PIP5K1A: variants seen among roughly 807,000 people sequenced by gnomAD.
PIP5K1A encodes phosphatidylinositol-4-phosphate 5-kinase type 1 alpha, also known as phosphatidylinositol 4-phosphate 5-kinase type-1 alpha.
Under a neutral mutation model 72.9 loss-of-function variants are expected in PIP5K1A, and 46 were observed. The observed-to-expected ratio is 0.63, with a 90% CI of 0.50 to 0.81. PIP5K1A has a LOEUF of 0.81. Among genes scored for constraint, PIP5K1A ranks in the 30% least tolerant of loss-of-function variants. The pLI, the probability that PIP5K1A is intolerant of heterozygous loss-of-function variation, is 0.00. For synonymous variants in PIP5K1A, 228 were observed against 255.1 expected, an observed-to-expected ratio of 0.89 and a Z score of 1.01; for missense variants, 458 against 706.1, an observed-to-expected ratio of 0.65 and a Z score of 3.98.
At chr1:151,214,364 T>G (rs766627461) in intron 1 of PIP5K1A, among the ~76,000 whole-genome samples, 6 of 151,938 alleles carry the variant, frequency 3.9e-5, no homozygotes, top group Admixed American at 1.3e-4. Context: ...TTTTTTCTGT[T>G]TTTTTGTTTT....
chr1:151,214,364 T>TTTTTTG (rs587671699), intron 1 of PIP5K1A, among the ~76,000 whole-genome samples: 108 of 152,054 alleles, frequency 7.1e-4, no homozygotes, highest in African/African-American at 1.1e-3. Context: ...TTTTTTCTGT[T>TTTTTTG]TTTTTGTTTT....
chr1:151,227,167 TATATTTGCA>T, intron 3 of PIP5K1A, 144 bp from the exon 4 acceptor site: 1 of 539,648 alleles, frequency 1.9e-6, no homozygotes, highest in Non-Finnish European at 3.3e-6. Flanking sequence ...ATTATAGCTG[TATATTTGCA>T]TGGGATAGAT....
chr1:151,243,612 T>TCTA (rs1448981449), intron 14 of PIP5K1A, among the ~76,000 whole-genome samples: 1 of 152,238 alleles, frequency 6.6e-6, no homozygotes, highest in East Asian at 1.9e-4. Flanking sequence ...GGCTCTACCC[T>TCTA]CTAGACTCTT....
intron 1 of PIP5K1A, among the ~76,000 whole-genome samples, chr1:151,212,881 CTTTTTTTTTT>C (rs59115186): frequency 8.8e-6 from 1 of 112,998 alleles, no homozygotes; most frequent in African/African-American, 3.4e-5. Context: ...CTGACTTTGC[CTTTTTTTTTT>C]TTTTTTTTCT....
upstream of PIP5K1A, among the ~76,000 whole-genome samples, chr1:151,196,194 G>A (rs892133024): frequency 5.3e-5 from 8 of 152,078 alleles, no homozygotes; most frequent in Non-Finnish European, 1.2e-4. Context: ...ACCGCGTCCG[G>A]CTACACTATC....
At chr1:151,238,421 C>T in intron 10 of PIP5K1A, 156 bp downstream of exon 10, 2 of 613,332 alleles carry the variant, frequency 3.3e-6, no homozygotes, top group Non-Finnish European at 5.9e-6. Flanking sequence ...TGGTTTATTT[C>T]CTTGATTTTG....
At chr1:151,245,786 T>C (rs927697478) in intron 14 of PIP5K1A, among the ~76,000 whole-genome samples, 5 of 152,144 alleles carry the variant, frequency 3.3e-5, no homozygotes, top group Admixed American at 1.3e-4. Flanking sequence ...TCTGCCTGCC[T>C]CAGGCTCCCA....
intron 1 of PIP5K1A, among the ~76,000 whole-genome samples, chr1:151,213,252 A>G (rs1389634131): frequency 6.6e-6 from 1 of 152,094 alleles, no homozygotes; most frequent in Non-Finnish European, 1.5e-5. Context: ...GAGCAGGGCT[A>G]CCTTATAGGC....
At chr1:151,217,400 C>G (rs776965075) in intron 1 of PIP5K1A, among the ~76,000 whole-genome samples, 1 of 152,150 alleles carries the variant, frequency 6.6e-6, no homozygotes, top group Non-Finnish European at 1.5e-5. Context: ...TTACTTAAAA[C>G]CGGGTTAAAT....
At chr1:151,221,306 G>A (rs1436709995) in intron 1 of PIP5K1A, among the ~76,000 whole-genome samples, 1 of 152,170 alleles carries the variant, frequency 6.6e-6, no homozygotes, top group African/African-American at 2.4e-5. Context: ...ATGCCTGAGT[G>A]ATGGAGAAAA....
At chr1:151,207,258 C>A (rs192440875) in intron 1 of PIP5K1A, among the ~76,000 whole-genome samples, 2 of 152,272 alleles carry the variant, frequency 1.3e-5, no homozygotes, top group Admixed American at 1.3e-4. Flanking sequence ...TGGCTATCTG[C>A]CAAAAATTTC....
At chr1:151,235,388 A>G (rs1690706224) in intron 8 of PIP5K1A, among the ~76,000 whole-genome samples, 1 of 152,168 alleles carries the variant, frequency 6.6e-6, no homozygotes, top group South Asian at 2.1e-4. Flanking sequence ...CGGCCTAGAT[A>G]TCACTCTTGA....
At position 151,213,484 on chromosome 1, in the gene PIP5K1A, G is replaced by C. The variant is rs147018908; in HGVS notation, c.86-10761G>C. The C allele has an allele frequency of 1.2e-4, 19 of 152,234 alleles. No individual in the cohort carries two copies. In the East Asian group the frequency reaches 3.3e-3, roughly 26 times the overall value. 9.4% of individuals were successfully genotyped at this position (152,234 alleles called of 1,614,324 possible). ...TTGGGTATCCCTGTTTTATAGGAGAGTGTTGATTTCTGAGGGGTATGGTTC... is the reference window on the plus strand; with the variant it reads ...TTGGGTATCCCTGTTTTATAGGAGACTGTTGATTTCTGAGGGGTATGGTTC... On this transcript the variant is annotated intron_variant, in intron 1 of 15. Transcript: ENST00000368888.
intron 1 of PIP5K1A, among the ~76,000 whole-genome samples, chr1:151,213,812 CA>C (rs1348304916): frequency 6.6e-6 from 1 of 151,728 alleles, no homozygotes; most frequent in Non-Finnish European, 1.5e-5. Context: ...GGTTATTAAG[CA>C]AAGAAAATGA....
chr1:151,232,845 A>C, intron 7 of PIP5K1A, 142 bp downstream of exon 7: 2 of 658,682 alleles, frequency 3.0e-6, no homozygotes, highest in East Asian at 2.9e-5. Context: ...TCATGCCTGT[A>C]ATCCCAGGAC....
chr1:151,242,647 C>G, intron 14 of PIP5K1A, 80 bp downstream of exon 14: 2 of 1,201,124 alleles, frequency 1.7e-6, no homozygotes, highest in South Asian at 2.6e-5. Context: ...TTGATTGCAT[C>G]ATAATAAATT....
In PIP5K1A at chr1:151,234,482, C is replaced by T; in HGVS notation, c.925C>T (p.Gln309Ter). ...DMYNALCKTL[Q>*]RDCLVLQSFK... ...GTACAACGCTCTCTGTAAGACCCTG[C>T]AGCGTGACTGTTTGGTGAGTTTGTT... The change falls in exon 8 of 16, where the codon CAG becomes TAG. Residue 309 changes from glutamine (Q) to a stop codon, truncating the protein, a stop_gained. Transcript: ENST00000368888. LOFTEE classifies it high-confidence loss of function. The T allele has an allele frequency of 6.2e-7, 1 of 1,613,754 alleles. No individual in the cohort carries two copies. Among genetic ancestry groups the T allele is most frequent in the Non-Finnish European group, 8.5e-7 (1 of 1,179,654 alleles).
At chr1:151,200,126 A>T (rs1314223495) in intron 1 of PIP5K1A, among the ~76,000 whole-genome samples, 3 of 151,698 alleles carry the variant, frequency 2.0e-5, no homozygotes, top group South Asian at 4.2e-4. Context: ...GGAGTCTTGA[A>T]TTGCAGTAGA....
Position 151,242,517 on chromosome 1 carries a change from C to G in PIP5K1A, c.1590C>G (p.Asp530Glu). The G allele has an allele frequency of 6.2e-7, 1 of 1,613,552 alleles. No individual in the cohort carries two copies. The highest frequency in any genetic ancestry group is 8.5e-7 in the Non-Finnish European group (1 of 1,179,450). The stretch of plus-strand genomic sequence containing the variant: ...TCAGTGAGGGCTCGCCTATTCCTGA[C>G]CCCAGTTTCTCACCTCTAGTTGGAG... ...EEISEGSPIP[D>E]PSFSPLVGET... Residue 530 changes from aspartate (D) to glutamate (E), a missense_variant, in exon 14 of 16, where the codon GAC (aspartate) becomes GAG (glutamate). Asp to Glu is a conservative substitution (Grantham distance 45). Transcript: ENST00000368888.
Sources: allele counts gnomAD v4.1 joint callset (sites outside exome capture counted in the v4.1 genomes callset), GRCh38; gene constraint gnomAD v4.1.1; transcripts MANE v1.5; gene names NCBI Gene and HGNC (gene_info 2026-07-23, HGNC 2026-07-21).